RFX3: variants seen among roughly 807,000 people sequenced by gnomAD.
RFX3 encodes the protein regulatory factor X3, also known as transcription factor RFX3.
A neutral mutation model predicts 98.6 loss-of-function variants in RFX3; 14 were observed. That is an observed-to-expected ratio of 0.14 (90% CI 0.09 to 0.22). The LOEUF is 0.22. RFX3 is among the 10% of genes least tolerant of loss of function. The pLI, the probability that RFX3 is intolerant of heterozygous loss-of-function variation, is 1.00. For missense variants in RFX3, 639 were observed against 926.9 expected (o/e 0.69, Z 4.03); for synonymous variants, 383 against 328.4 (o/e 1.17, Z -1.80).
chr9:3,451,551 A>G (rs1175796388), intron 1 of RFX3, among the ~76,000 whole-genome samples: 1 of 152,198 alleles, frequency 6.6e-6, no homozygotes, highest in Admixed American at 6.5e-5. Context: ...AAGATAATAA[A>G]TAAGTTTTGA....
Position 3,365,056 on chromosome 9 carries a change from C to G in RFX3, c.118-18292G>C, listed in dbSNP as rs550039421. 5.3e-5 allele frequency among the ~76,000 whole-genome samples: 8 copies of G among 152,206 alleles called. No individual in the cohort carries two copies. The East Asian group carries it at 1.5e-3, about 29-fold the overall frequency. ...GTGGCTCACGCCTGTAATCCCAGCA[C>G]TTCGGGAGGCCGGGACAGGTGGATC... On this transcript the variant is annotated intron_variant, in intron 2 of 16. Coordinates refer to ENST00000617270, the MANE Select transcript of RFX3 (RefSeq NM_001282116.2).
At chr9:3,294,454 T>C (rs896162040) in intron 5 of RFX3, among the ~76,000 whole-genome samples, 2 of 152,106 alleles carry the variant, frequency 1.3e-5, no homozygotes, top group African/African-American at 4.8e-5. Flanking sequence ...CATCTAGTGA[T>C]GCAAAAATGA....
At chr9:3,395,763 A>G (rs1840794488) in intron 1 of RFX3, among the ~76,000 whole-genome samples, 167 bp from the exon 2 acceptor site, 1 of 152,334 alleles carries the variant, frequency 6.6e-6, no homozygotes, top group South Asian at 2.1e-4. Flanking sequence ...CATTCTGACC[A>G]CTTTATAAAT....
At chr9:3,336,584 A>G (rs747045460) in intron 3 of RFX3, among the ~76,000 whole-genome samples, 23 of 152,196 alleles carry the variant, frequency 1.5e-4, no homozygotes, top group African/African-American at 5.1e-4. Flanking sequence ...ACAAAAACTC[A>G]TAACATAGCA....
At chr9:3,253,323 A>G (rs1378964576) in intron 14 of RFX3, among the ~76,000 whole-genome samples, 1 of 152,208 alleles carries the variant, frequency 6.6e-6, no homozygotes, top group Non-Finnish European at 1.5e-5. Flanking sequence ...TTCAAAAAAG[A>G]GTATTACTTT....
At chr9:3,382,685 C>G (rs1839318104) in intron 2 of RFX3, among the ~76,000 whole-genome samples, 1 of 151,990 alleles carries the variant, frequency 6.6e-6, no homozygotes, top group Non-Finnish European at 1.5e-5. Context: ...AAAAATAGTC[C>G]TTTAGAGTAC....
intron 2 of RFX3, among the ~76,000 whole-genome samples, chr9:3,390,121 T>C (rs752415190): frequency 1.3e-5 from 2 of 152,152 alleles, no homozygotes; most frequent in East Asian, 1.9e-4. Flanking sequence ...TGGTTTCTCA[T>C]TGATATGGTT....
chr9:3,247,869 GAGGAATTTA>G, intron 15 of RFX3, 154 bp downstream of exon 15: 1 of 1,608,808 alleles, frequency 6.2e-7, no homozygotes, highest in Non-Finnish European at 8.5e-7. Flanking sequence ...CATAAGAACA[GAGGAATTTA>G]AGGAACTCTT....
intron 1 of RFX3, among the ~76,000 whole-genome samples, chr9:3,503,220 G>C (rs561727994): frequency 4.6e-5 from 7 of 151,858 alleles, no homozygotes; most frequent in Non-Finnish European, 1.0e-4. Context: ...TAAATGCCTG[G>C]GCATATTTGC....
intron 1 of RFX3, among the ~76,000 whole-genome samples, chr9:3,422,127 A>G (rs952004371): frequency 2.0e-5 from 3 of 152,196 alleles, no homozygotes; most frequent in Non-Finnish European, 4.4e-5. Flanking sequence ...GAGGCTGGAG[A>G]ACAAAACTGA....
At chr9:3,313,184 G>A (rs994354209) in intron 4 of RFX3, among the ~76,000 whole-genome samples, 2 of 152,190 alleles carry the variant, frequency 1.3e-5, no homozygotes, top group Non-Finnish European at 2.9e-5. Flanking sequence ...GGAACAATCA[G>A]GCAGCAACAT....
chr9:3,426,808 T>C (rs536052743), intron 1 of RFX3, among the ~76,000 whole-genome samples: 3 of 152,250 alleles, frequency 2.0e-5, no homozygotes, highest in Non-Finnish European at 2.9e-5. Context: ...TGATTCTACA[T>C]TATGATGAGT....
chr9:3,363,548 G>C (rs1232911249), intron 2 of RFX3, among the ~76,000 whole-genome samples: 2 of 152,130 alleles, frequency 1.3e-5, no homozygotes, highest in East Asian at 1.9e-4. Context: ...CTAAATAGCA[G>C]AACTTCTTAC....
rs79364577 is a variant in RFX3, at chr9:3,524,565, A to G, written c.-9+1182T>C. ...AGGAAAATGAGGAGATTAAAAAAAA[A>G]AAAACTCTTAAAGTACCATAACTGT... On this transcript the variant is annotated intron_variant, in intron 1 of 16. Coordinates refer to ENST00000617270, the MANE Select transcript of RFX3 (RefSeq NM_001282116.2). The G allele has an allele frequency of 4.4e-3, 4,365 of 982,222 alleles. 162 individuals carry two copies. The African/African-American group carries it at 0.071, about 16-fold the overall frequency. 60.8% of individuals were successfully genotyped at this position (982,222 alleles called of 1,614,324 possible). A position where few individuals can be genotyped will look rare whatever the true frequency, so the allele number is the denominator to read the frequency against.
At chr9:3,363,301 C>T (rs1254587782) in intron 2 of RFX3, among the ~76,000 whole-genome samples, 2 of 152,128 alleles carry the variant, frequency 1.3e-5, no homozygotes, top group Admixed American at 6.5e-5. Flanking sequence ...GTATGCAGCA[C>T]ATCAAAATAT....
chr9:3,308,101 A>G (rs953437705), intron 4 of RFX3, among the ~76,000 whole-genome samples: 1 of 152,180 alleles, frequency 6.6e-6, no homozygotes, highest in African/African-American at 2.4e-5. Flanking sequence ...CTCTGAACTA[A>G]GATACACTGC....
chr9:3,258,632 T>A (rs1347426231), intron 13 of RFX3, among the ~76,000 whole-genome samples: 1 of 151,992 alleles, frequency 6.6e-6, no homozygotes, highest in Admixed American at 6.6e-5. Flanking sequence ...CTTTTAAATA[T>A]TTTAAGTATA....
intron 2 of RFX3, among the ~76,000 whole-genome samples, chr9:3,377,654 T>C (rs1838699652): frequency 6.6e-6 from 1 of 152,078 alleles, no homozygotes; most frequent in Admixed American, 6.6e-5. Flanking sequence ...TCGTGGAAAA[T>C]ATAAAGCGAT....
intron 7 of RFX3, among the ~76,000 whole-genome samples, chr9:3,285,535 T>C (rs1423804033): frequency 1.3e-5 from 2 of 151,774 alleles, no homozygotes; most frequent in African/African-American, 4.8e-5. Context: ...CTTATCAATG[T>C]TGTCAGTGGA....
Sources: gnomAD v4.1 joint callset for allele counts (sites outside exome capture counted in the v4.1 genomes callset) on GRCh38, gnomAD v4.1.1 for gene constraint, MANE v1.5 for transcripts, NCBI Gene and HGNC (gene_info 2026-07-23, HGNC 2026-07-21) for gene names.